GBP2: variants seen among roughly 807,000 people sequenced by gnomAD.
The protein encoded by GBP2 is guanylate binding protein 2, also known as guanylate-binding protein 2.
In GBP2, 54 loss-of-function variants were observed where a neutral mutation model predicts 60.8. The observed-to-expected ratio is 0.89, with a 90% confidence interval of 0.71 to 1.11. The LOEUF (loss-of-function observed/expected upper bound fraction) is 1.11, where lower values mean the gene tolerates loss of function less well. Among genes scored for constraint, GBP2 ranks in the 50% most tolerant of loss-of-function variants. GBP2 has a pLI of 0.00. For missense variants in GBP2, 665 were observed against 703.3 expected (o/e 0.95, Z 0.62); for synonymous variants, 243 against 256.5 (o/e 0.95, Z 0.50).
intron 2 of GBP2, among the ~76,000 whole-genome samples, 192 bp downstream of exon 2, chr1:89,121,585 G>C (rs1253929263): frequency 2.3e-4 from 35 of 152,090 alleles, no homozygotes; most frequent in Admixed American, 2.3e-3. Context: ...TATACCCTTA[G>C]TATAAAATAA....
At position 89,120,579 on chromosome 1, in the gene GBP2, A is replaced by G. The variant is rs556435488; in HGVS notation, c.319-291T>C. 4.6e-5 allele frequency among the ~76,000 whole-genome samples: 7 copies of G among 152,298 alleles called. No individual in the cohort carries two copies. In the East Asian group the frequency reaches 1.2e-3, roughly 25 times the overall value. On this transcript the variant is annotated intron_variant, in intron 3 of 10. Transcript: ENST00000370466. ...AAATTCAAACTGGTACCCTAAACTT[A>G]GTTTATGACCCTATTCCATTTCCAT... is the stretch of plus-strand genomic sequence containing the variant.
chr1:89,108,340 C>T (rs1570314498), intron 10 of GBP2, 49 bp from the exon 11 acceptor site: 3 of 1,199,532 alleles, frequency 2.5e-6, no homozygotes, highest in Non-Finnish European at 3.7e-6. Flanking sequence ...CACATTTCCA[C>T]CAGATTAGTT....
At chr1:89,122,334 A>G (rs1681418581) in intron 1 of GBP2, among the ~76,000 whole-genome samples, 1 of 152,182 alleles carries the variant, frequency 6.6e-6, no homozygotes, top group African/African-American at 2.4e-5. Flanking sequence ...CCAGTTTCCC[A>G]CTAATGTCCT....
At chr1:89,117,987 G>T in intron 4 of GBP2, 1 of 452,732 alleles carries the variant, frequency 2.2e-6, no homozygotes. Context: ...TAATGAATGA[G>T]ACAATGCTAC....
chr1:89,116,217 T>C (rs1057077962), intron 6 of GBP2, among the ~76,000 whole-genome samples: 3 of 152,066 alleles, frequency 2.0e-5, no homozygotes, highest in Non-Finnish European at 2.9e-5. Context: ...TTCCCCATGT[T>C]GCCCAGGCTG....
chr1:89,109,690 G>A lies in GBP2; in HGVS notation c.1646C>T (p.Ala549Val). 6.2e-7 allele frequency: 1 copy of A among 1,613,518 alleles called. No individual in the cohort carries two copies. Among genetic ancestry groups the A allele is most frequent in the Non-Finnish European group, 8.5e-7 (1 of 1,179,808 alleles). ...GCAATTGAATACCTGAAGTTTAAGA[G>A]CGAGGGTCTTCTCTTGCTCTGCCAT... The part of the protein sequence containing the change: ...QLMAEQEKTL[A>V]LKLQEQERLL... The change falls in exon 10 of 11, where the codon GCT (alanine) becomes GTT (valine). Residue 549 changes from alanine to valine, a missense_variant. By Grantham distance (64) the Ala-to-Val change is moderately conservative. Transcript: ENST00000370466.
intron 7 of GBP2, 149 bp downstream of exon 7, chr1:89,113,867 T>C: frequency 9.4e-7 from 1 of 1,068,078 alleles, no homozygotes; most frequent in Non-Finnish European, 1.3e-6. Context: ...TTTTTAAAGG[T>C]CTAAGGCTAT....
At chr1:89,121,734 T>A in intron 2 of GBP2, 43 bp downstream of exon 2, 1 of 1,591,358 alleles carries the variant, frequency 6.3e-7, no homozygotes, top group Non-Finnish European at 8.6e-7. Flanking sequence ...GTTCGCCGTG[T>A]GTACGGACAG....
In GBP2 at chr1:89,114,039, G is replaced by A; in HGVS notation, c.1126C>T (p.Gln376Ter). The change falls in exon 7 of 11, where the codon CAA (glutamine) becomes TAA (stop). Residue 376 changes from glutamine to a stop codon, truncating the protein, a stop_gained. Coordinates refer to ENST00000370466, the MANE Select transcript of GBP2 (RefSeq NM_004120.5). LOFTEE classifies it high-confidence loss of function. ...ACCCCTAATTTCCTCTGGAACATTT[G>A]GTCCACATCCTTGAAAGAGTTCTTC... ...FMKNSFKDVD[Q>*]MFQRKLGAQL... 2 of 1,614,138 alleles carry A rather than the reference G, an allele frequency of 1.2e-6. No homozygotes were observed. The highest frequency in any genetic ancestry group is 1.7e-5 in the Admixed American group (1 of 60,014).
chr1:89,120,614 T>C (rs770210477), intron 3 of GBP2, among the ~76,000 whole-genome samples: 3 of 152,226 alleles, frequency 2.0e-5, no homozygotes, highest in Non-Finnish European at 4.4e-5. Context: ...TGGCACATCA[T>C]AGTAAGATAT....
Position 89,108,086 on chromosome 1 carries a change from A to G in GBP2, c.*89T>C, listed in dbSNP as rs1035577749. 3.0e-5 allele frequency: 21 copies of G among 709,812 alleles called. No homozygotes were observed. The highest frequency in any genetic ancestry group is 5.2e-5 in the Non-Finnish European group (21 of 407,444). The allele number at this position is 709,812 out of a possible 1,614,324, so 44.0% of individuals were successfully genotyped here. On this transcript the variant is annotated 3_prime_UTR_variant, in exon 11 of 11. Transcript: ENST00000370466. Reference sequence around the variant, plus strand: ...GCATCATGATTTTGAGTTAAGTTTAATGGCAGTTGTTTGACACTCTGAAGT... The same window carrying G: ...GCATCATGATTTTGAGTTAAGTTTAGTGGCAGTTGTTTGACACTCTGAAGT...
chr1:89,117,505 C>G, intron 5 of GBP2, 72 bp downstream of exon 5: 1 of 1,305,342 alleles, frequency 7.7e-7, no homozygotes, highest in Non-Finnish European at 1.1e-6. Flanking sequence ...ATTTTTAGCA[C>G]TGCACAGAAA....
intron 8 of GBP2, among the ~76,000 whole-genome samples, chr1:89,111,963 A>C (rs951381588): frequency 6.6e-6 from 1 of 152,246 alleles, no homozygotes; most frequent in Non-Finnish European, 1.5e-5. Flanking sequence ...AAAAGTAAAA[A>C]AATAAAAAAA....
intron 3 of GBP2, 65 bp from the exon 4 acceptor site, chr1:89,120,353 C>T: frequency 7.8e-7 from 1 of 1,287,664 alleles, no homozygotes; most frequent in Non-Finnish European, 1.1e-6. Context: ...ATTCAGATAG[C>T]TGAAGACTGA....
chr1:89,125,313 CA>C (rs1681497479), intron 1 of GBP2, among the ~76,000 whole-genome samples: 1 of 152,050 alleles, frequency 6.6e-6, no homozygotes, highest in Non-Finnish European at 1.5e-5. Flanking sequence ...GGGACAATGG[CA>C]AAAAAACTAT....
chr1:89,119,853 A>G (rs532963740), intron 4 of GBP2: 1 of 247,048 alleles, frequency 4.0e-6, no homozygotes, highest in East Asian at 1.1e-4. Flanking sequence ...GGCAACACTT[A>G]GAGCAGATGA....
At chr1:89,124,291 T>C (rs182645393) in intron 1 of GBP2, among the ~76,000 whole-genome samples, 3 of 152,318 alleles carry the variant, frequency 2.0e-5, no homozygotes, top group African/African-American at 7.2e-5. Flanking sequence ...GGTAAGAGCA[T>C]TTTATTTTGT....
At chr1:89,121,720 G>T in intron 2 of GBP2, 57 bp downstream of exon 2, 1 of 1,548,238 alleles carries the variant, frequency 6.5e-7, no homozygotes, top group Non-Finnish European at 8.8e-7. Flanking sequence ...TCCCTAAGCT[G>T]GATGTTCGCC....
At position 89,121,804 on chromosome 1, in the gene GBP2, T is replaced by G; in HGVS notation, c.163A>C (p.Met55Leu). Residue 55 changes from methionine to leucine, a missense_variant, in exon 2 of 11, where the codon ATG becomes CTG. By Grantham distance (15) the Met-to-Leu change is conservative. Transcript: ENST00000370466. ...TTTTTCTTCCCAGCCAGCTTGTTCA[T>G]CAGGTAGGATTTGCCTGTGCGATAG... is the stretch of plus-strand genomic sequence containing the variant. ...GLYRTGKSYL[M>L]NKLAGKKNGF... 1 of 1,614,036 alleles carries G rather than the reference T, an allele frequency of 6.2e-7. No individual in the cohort carries two copies. The highest frequency in any genetic ancestry group is 8.5e-7 in the Non-Finnish European group (1 of 1,179,954).
Sources: allele counts gnomAD v4.1 joint callset (sites outside exome capture counted in the v4.1 genomes callset), GRCh38; gene constraint gnomAD v4.1.1; transcripts MANE v1.5; gene names NCBI Gene and HGNC (gene_info 2026-07-23, HGNC 2026-07-21).